Variants in ZNF385C observed in about 807,000 individuals in gnomAD.
ZNF385C encodes zinc finger protein 385C, also known as CTD-2132N18.2.
In ZNF385C, 28 loss-of-function variants were observed where a neutral mutation model predicts 35.4. The observed-to-expected ratio is 0.79, with a 90% CI of 0.59 to 1.08. The LOEUF (loss-of-function observed/expected upper bound fraction) is 1.08, where lower values mean the gene tolerates loss of function less well. ZNF385C is among the 50% of genes least tolerant of loss of function. ZNF385C has a pLI of 0.00. For missense variants in ZNF385C, 605 were observed against 595.6 expected (o/e 1.02, Z -0.16); for synonymous variants, 248 against 248.2 (o/e 1.00, Z 0.01).
In ZNF385C at chr17:42,062,985, G is replaced by A; in HGVS notation, c.72C>T (p.Leu24=). The change falls in exon 2 of 9, where the codon CTC becomes CTT. Residue 24 remains leucine, a synonymous_variant. Coordinates refer to ENST00000692273, the MANE Select transcript of ZNF385C (RefSeq NM_001392013.1). The part of the protein sequence containing the change: ...ETPISGAAEC[L]PRPPEPPKPK... ...GCTTAGGTGGTTCTGGGGGCCGAGG[G>A]AGGCACTCAGCAGCTCCAGATATGG... The A allele has an allele frequency of 1.3e-5, 9 of 694,360 alleles. No homozygotes were observed. The highest frequency in any genetic ancestry group is 1.8e-5 in the Non-Finnish European group (7 of 380,970). 43.0% of individuals were successfully genotyped at this position (694,360 alleles called of 1,614,324 possible).
At chr17:42,081,510 G>T (rs1555659703) in intron 1 of ZNF385C, among the ~76,000 whole-genome samples, 1 of 152,116 alleles carries the variant, frequency 6.6e-6, no homozygotes, top group Admixed American at 6.6e-5. Context: ...CCTCAGCTGG[G>T]ATTACAGGTG....
intron 3 of ZNF385C, among the ~76,000 whole-genome samples, chr17:42,035,100 CAG>C: frequency 1.0e-5 from 1 of 99,950 alleles, no homozygotes; most frequent in African/African-American, 4.0e-5. Flanking sequence ...GCCTGGGCAA[CAG>C]AGTGAGACTC....
chr17:42,047,274 C>T (rs1567988567), intron 2 of ZNF385C, among the ~76,000 whole-genome samples: 2 of 152,054 alleles, frequency 1.3e-5, no homozygotes, highest in East Asian at 3.9e-4. Flanking sequence ...CCTCGTGATC[C>T]GCCCGCTTCA....
chr17:42,075,043 G>A (rs539099157), intron 1 of ZNF385C, among the ~76,000 whole-genome samples: 19 of 152,178 alleles, frequency 1.2e-4, no homozygotes, highest in South Asian at 2.1e-4. Context: ...CATAATGGTC[G>A]TAGATCTGCT....
chr17:42,097,325 G>T (rs1441464222), intron 1 of ZNF385C, among the ~76,000 whole-genome samples: 1 of 152,198 alleles, frequency 6.6e-6, no homozygotes, highest in African/African-American at 2.4e-5. Flanking sequence ...CCAGAAGCAA[G>T]AAGCTGGCAC....
chr17:42,086,936 C>T (rs1555660194), intron 1 of ZNF385C, among the ~76,000 whole-genome samples: 3 of 149,478 alleles, frequency 2.0e-5, no homozygotes, highest in African/African-American at 4.9e-5. Context: ...TCAAGCAATT[C>T]TCCTGCCTCA....
chr17:42,070,504 G>C (rs2053609083), intron 1 of ZNF385C, among the ~76,000 whole-genome samples: 3 of 152,178 alleles, frequency 2.0e-5, no homozygotes, highest in Admixed American at 2.0e-4. Flanking sequence ...GAAAGGCAGG[G>C]TGGGTGCACC....
chr17:42,092,276 C>A (rs1164059992), intron 1 of ZNF385C, among the ~76,000 whole-genome samples: 1 of 152,088 alleles, frequency 6.6e-6, no homozygotes, highest in Non-Finnish European at 1.5e-5. Flanking sequence ...TGGCATGTGC[C>A]TGTAATCCCA....
chr17:42,066,758 G>A (rs1220156522), intron 1 of ZNF385C, among the ~76,000 whole-genome samples: 3 of 152,148 alleles, frequency 2.0e-5, no homozygotes, highest in Non-Finnish European at 2.9e-5. Context: ...CAATATACAT[G>A]ACTGGTGTCC....
intron 1 of ZNF385C, among the ~76,000 whole-genome samples, chr17:42,063,768 A>G (rs4081542): frequency 0.66 from 99,302 of 151,428 alleles, 32,975 homozygotes; most frequent in African/African-American, 0.7. Context: ...TCTCAGCTCT[A>G]CAGCAAGCGC....
rs1047522938 is a variant in ZNF385C at position 42,047,095 on chromosome 17, G to C, written c.251-9210C>G. On this transcript the variant is annotated intron_variant, in intron 2 of 8. Transcript: ENST00000692273. ...CACCCAGGCTGGAGCGCAGTGGCGC[G>C]ATCTCGGCTCACTGCAAACCCCACC... Among the ~76,000 whole-genome samples, 4 of 147,578 alleles carry C rather than the reference G, an allele frequency of 2.7e-5. No homozygotes were observed. The Admixed American group carries it at 2.8e-4, about 10-fold the overall frequency.
chr17:42,041,369 C>T (rs114733889), intron 2 of ZNF385C, among the ~76,000 whole-genome samples: 3,410 of 152,210 alleles, frequency 0.022, 140 homozygotes, highest in African/African-American at 0.079. Flanking sequence ...TTCACCTCTC[C>T]GAGCCTCAGT....
chr17:42,045,476 C>A (rs549199091), intron 2 of ZNF385C, among the ~76,000 whole-genome samples: 3 of 152,202 alleles, frequency 2.0e-5, no homozygotes, highest in East Asian at 1.9e-4. Context: ...AGGGTCAGAC[C>A]CAGATGACTC....
chr17:42,098,113 C>T (rs1182530835), intron 1 of ZNF385C, among the ~76,000 whole-genome samples: 1 of 152,224 alleles, frequency 6.6e-6, no homozygotes, highest in African/African-American at 2.4e-5. Flanking sequence ...CTCACCATCC[C>T]CAACCTGCCC....
Position 42,029,090 on chromosome 17 carries a change from A to G in ZNF385C, c.677-17T>C, listed in dbSNP as rs1555654730. On this transcript the variant is annotated splice_polypyrimidine_tract_variant and intron_variant, in intron 5 of 8. Coordinates refer to ENST00000692273, the MANE Select transcript of ZNF385C (RefSeq NM_001392013.1). ...CTGCAGGAACTGCTGCAGAGATGGA[A>G]GAGTGTGAGACCCAAGATGACGCTG... The G allele has an allele frequency of 6.5e-7, 1 of 1,545,284 alleles. No homozygotes were observed. The highest frequency in any genetic ancestry group is 2.0e-5 in the Admixed American group (1 of 50,908).
chr17:42,058,692 A>G (rs1420088926), intron 2 of ZNF385C, among the ~76,000 whole-genome samples: 2 of 152,074 alleles, frequency 1.3e-5, no homozygotes, highest in Non-Finnish European at 2.9e-5. Flanking sequence ...TGGAGTCTCT[A>G]TCGCCCAGGC....
chr17:42,073,434 C>CA (rs201754826), intron 1 of ZNF385C, among the ~76,000 whole-genome samples: 538 of 142,176 alleles, frequency 3.8e-3, no homozygotes, highest in East Asian at 0.02. Flanking sequence ...AACTTCGTCT[C>CA]AAAAAAAAAA....
intron 2 of ZNF385C, among the ~76,000 whole-genome samples, chr17:42,052,553 A>T (rs1363376299): frequency 6.6e-6 from 1 of 152,212 alleles, no homozygotes. Context: ...AGGCAGGCAC[A>T]CTGGCCACAC....
At chr17:42,067,655 G>C (rs2053567053) in intron 1 of ZNF385C, among the ~76,000 whole-genome samples, 1 of 152,140 alleles carries the variant, frequency 6.6e-6, no homozygotes, top group South Asian at 2.1e-4. Context: ...CCCCATTACT[G>C]CATGGAGCCC....
Sources: gnomAD v4.1 joint callset for allele counts (sites outside exome capture counted in the v4.1 genomes callset) on GRCh38, gnomAD v4.1.1 for gene constraint, MANE v1.5 for transcripts, NCBI Gene and HGNC (gene_info 2026-07-23, HGNC 2026-07-21) for gene names.